The following CAPNS1 variants were observed in gnomAD, a reference collection of about 807,000 sequenced individuals.
CAPNS1 encodes the protein CANP small subunit.
CAPNS1 carries 32 observed loss-of-function variants against 39.2 expected under a neutral mutation model. That is an observed-to-expected ratio of 0.82 (90% confidence interval 0.62 to 1.10). The LOEUF (loss-of-function observed/expected upper bound fraction) is 1.10. Ranked by LOEUF, CAPNS1 falls within the 50% of genes least tolerant of loss-of-function variation. The pLI is 0.00. For synonymous variants in CAPNS1, 153 were observed against 136.2 expected (o/e 1.12, Z -0.86); for missense variants, 353 against 373.1 (o/e 0.95, Z 0.44).
chr19:36,147,562 C>G (rs1481149243), intron 9 of CAPNS1, among the ~76,000 whole-genome samples: 2 of 151,888 alleles, frequency 1.3e-5, no homozygotes, highest in East Asian at 1.9e-4. Flanking sequence ...GTCAGGAGTT[C>G]GAGACCATCC....
intron 2 of CAPNS1, 183 bp downstream of exon 2, chr19:36,141,403 G>A (rs1020619350): frequency 7.5e-7 from 1 of 1,332,086 alleles, no homozygotes; most frequent in Non-Finnish European, 9.6e-7. Flanking sequence ...ACCCCAGTGA[G>A]GCGGATATCA....
chr19:36,146,668 T>C (rs909186864), intron 9 of CAPNS1, among the ~76,000 whole-genome samples: 8 of 152,080 alleles, frequency 5.3e-5, no homozygotes, highest in African/African-American at 1.7e-4. Flanking sequence ...AGGAGGAACC[T>C]GATGCAGCCC....
intron 6 of CAPNS1, among the ~76,000 whole-genome samples, 169 bp downstream of exon 6, chr19:36,143,297 A>G (rs1383241804): frequency 6.6e-6 from 1 of 152,204 alleles, no homozygotes; most frequent in Non-Finnish European, 1.5e-5. Flanking sequence ...GCCAGCTGTC[A>G]CAGCTGGCAC....
At chr19:36,140,885 C>G (rs1974331930) in intron 1 of CAPNS1, 112 bp from the exon 2 acceptor site, 1 of 1,528,908 alleles carries the variant, frequency 6.5e-7, no homozygotes, top group East Asian at 2.6e-5. Context: ...AACTCAGACC[C>G]CCACCCGGAG....
At chr19:36,146,412 G>A in intron 9 of CAPNS1, 100 bp downstream of exon 9, 1 of 779,876 alleles carries the variant, frequency 1.3e-6, no homozygotes, top group Non-Finnish European at 2.3e-6. Context: ...GATGCTAGGG[G>A]CACAGTGGTG....
At chr19:36,149,712 C>T in intron 10 of CAPNS1, 76 bp downstream of exon 10, 4 of 1,592,032 alleles carry the variant, frequency 2.5e-6, no homozygotes, top group Admixed American at 1.8e-5. Flanking sequence ...CTCTGAGCTG[C>T]AGTCCCCTTC....
At chr19:36,149,748 G>A (rs776517083) in intron 10 of CAPNS1, 65 bp from the exon 11 acceptor site, 10 of 1,590,436 alleles carry the variant, frequency 6.3e-6, no homozygotes, top group East Asian at 2.3e-5. Context: ...CCGTCCCTGG[G>A]TGAGGGCAAA....
Position 36,141,170 on chromosome 19 carries a change from T to TGGC in CAPNS1, c.162_164dup (p.Gly56dup), listed in dbSNP as rs1186643616. On this transcript the variant is annotated inframe_insertion, in exon 2 of 11. Transcript: ENST00000246533. ...GCGGCGGCGGTGGTGGAGGCGGCGG[T>TGGC]GGCGGTGGAACGGCCATGCGCATCC... The TGGC allele has an allele frequency of 7.1e-7, 1 of 1,405,548 alleles. No individual in the cohort carries two copies. Among genetic ancestry groups the TGGC allele is most frequent in the Non-Finnish European group, 9.2e-7 (1 of 1,084,828 alleles). 87.1% of individuals were successfully genotyped at this position (1,405,548 alleles called of 1,614,324 possible). A position where few individuals can be genotyped will look rare whatever the true frequency, so the allele number is the denominator to read the frequency against.
chr19:36,149,644 C>G lies in CAPNS1; in HGVS notation c.780+8C>G, dbSNP rs1460976943. 4 of 1,576,930 alleles carry G rather than the reference C, an allele frequency of 2.5e-6. No homozygotes were observed. The Admixed American group carries it at 7.3e-5, about 29-fold the overall frequency. ...CAGGTGAACATCCAGGAGGTAAGGA[C>G]CCCCATATTGGGGTATGGGTGCCTG... On this transcript the variant is annotated splice_region_variant and intron_variant, in intron 10 of 10. Transcript: ENST00000246533.
At chr19:36,140,926 G>A (rs1420282582) in intron 1 of CAPNS1, 71 bp from the exon 2 acceptor site, 2 of 1,573,824 alleles carry the variant, frequency 1.3e-6, no homozygotes, top group East Asian at 5.1e-5. Context: ...CCAGCTGCCG[G>A]AAATGCGTGT....
chr19:36,143,170 A>G (rs1181841683), intron 6 of CAPNS1, 42 bp downstream of exon 6: 1 of 1,584,108 alleles, frequency 6.3e-7, no homozygotes, highest in South Asian at 1.1e-5. Flanking sequence ...GGGTGGACAG[A>G]GAGTTTTTTG....
intron 3 of CAPNS1, 126 bp from the exon 4 acceptor site, chr19:36,142,525 AC>A: frequency 2.7e-6 from 2 of 748,028 alleles, no homozygotes; most frequent in Non-Finnish European, 4.7e-6. Flanking sequence ...ATTCACTACC[AC>A]CCCTCATTCT....
intron 1 of CAPNS1, chr19:36,140,620 C>G (rs980859856): frequency 1.0e-5 from 2 of 199,910 alleles, no homozygotes; most frequent in African/African-American, 4.7e-5. Flanking sequence ...TGCTCCGCGC[C>G]CATGACCTGC....
At chr19:36,146,853 A>AT (rs749604031) in intron 9 of CAPNS1, among the ~76,000 whole-genome samples, 12 of 152,112 alleles carry the variant, frequency 7.9e-5, no homozygotes, top group East Asian at 3.9e-4. Flanking sequence ...CTTTCTTTCT[A>AT]TTTTTTTGAG....
chr19:36,142,760 C>T lies in CAPNS1; in HGVS notation c.333+19C>T, dbSNP rs1197049617. ...TGGAGATGTAAGTAACCTGGGGTCCCTGGCCCCGTCCTAACCGTTCCATCC... is the reference window on the plus strand; with the variant it reads ...TGGAGATGTAAGTAACCTGGGGTCCTTGGCCCCGTCCTAACCGTTCCATCC... On this transcript the variant is annotated intron_variant, in intron 4 of 10. Transcript: ENST00000246533. The T allele has an allele frequency of 1.9e-6, 3 of 1,607,324 alleles. No individual in the cohort carries two copies. The highest frequency in any genetic ancestry group is 2.6e-6 in the Non-Finnish European group (3 of 1,173,896).
At position 36,141,122 on chromosome 19, in the gene CAPNS1, G is replaced by GGGCGGGGGC; in HGVS notation, c.116_117insGGGCGGCGG (p.Gly54_Gly56dup). On this transcript the variant is annotated inframe_insertion, in exon 2 of 11. Coordinates refer to ENST00000246533, the MANE Select transcript of CAPNS1 (RefSeq NM_001749.4). ...TTGGAGGCCTGATCAGCGGGGCCGG[G>GGGCGGGGGC]GGCGGCGGCGGCGGCGGCGGCGGCG... is the stretch of plus-strand genomic sequence containing the variant. 1 of 1,321,524 alleles carries GGGCGGGGGC rather than the reference G, an allele frequency of 7.6e-7. No homozygotes were observed. Among genetic ancestry groups the GGGCGGGGGC allele is most frequent in the Non-Finnish European group, 9.8e-7 (1 of 1,019,290 alleles). The allele number at this position is 1,321,524 out of a possible 1,614,324, so 81.9% of individuals were successfully genotyped here. A position where few individuals can be genotyped will look rare whatever the true frequency, so the allele number is the denominator to read the frequency against.
chr19:36,142,273 T>C, intron 2 of CAPNS1, 27 bp from the exon 3 acceptor site: 1 of 1,561,424 alleles, frequency 6.4e-7, no homozygotes, highest in Non-Finnish European at 8.8e-7. Flanking sequence ...CCCCTGGCAC[T>C]AACCCCTCCC....
intron 6 of CAPNS1, among the ~76,000 whole-genome samples, chr19:36,144,840 T>C (rs1974506265): frequency 6.6e-6 from 1 of 152,208 alleles, no homozygotes; most frequent in Admixed American, 6.5e-5. Flanking sequence ...GTAAAATGGG[T>C]GAGTGATAAT....
intron 9 of CAPNS1, among the ~76,000 whole-genome samples, chr19:36,146,970 G>A (rs573082159): frequency 2.0e-5 from 3 of 152,180 alleles, no homozygotes; most frequent in South Asian, 2.1e-4. Context: ...TCAGCTTACC[G>A]AATACCTGGG....
Sources: allele counts gnomAD v4.1 joint callset (sites outside exome capture counted in the v4.1 genomes callset), GRCh38; gene constraint gnomAD v4.1.1; transcripts MANE v1.5; gene names NCBI Gene and HGNC (gene_info 2026-07-23, HGNC 2026-07-21).